The following SVIP variants were observed in gnomAD, a reference collection of about 807,000 sequenced individuals.
SVIP encodes small VCP interacting protein, also known as small VCP/p97-interacting protein.
SVIP carries 14 observed loss-of-function variants against 12.9 expected under a neutral mutation model. The ratio of observed to expected loss-of-function variants is 1.08; its 90% CI spans 0.72 to 1.70. The LOEUF is 1.70. Among genes scored for constraint, SVIP ranks in the 40% most tolerant of loss-of-function variants. The probability of loss-of-function intolerance (pLI) is 0.00; values close to 1 mark genes in which losing one functional copy is unlikely to be tolerated. For missense variants in SVIP, 93 were observed against 90.8 expected (o/e 1.02, Z -0.10); for synonymous variants, 35 against 33.3 (o/e 1.05, Z -0.17).
intron 3 of SVIP, 59 bp from the exon 4 acceptor site, chr11:22,823,192 C>G: frequency 1.6e-6 from 2 of 1,264,972 alleles, no homozygotes. Context: ...TATAACAGTA[C>G]TTCAGTGAAC....
rs1173802275 is a variant in SVIP at position 22,820,651 on chromosome 11, A to G, written c.*2468T>C. On this transcript the variant is annotated 3_prime_UTR_variant, in exon 4 of 4. Transcript: ENST00000354193. The stretch of plus-strand genomic sequence containing the variant: ...TATATTTATATCCCTAAAAGGCAAT[A>G]CAGAATTTATAACCAAACCATGTGT... 6.6e-6 allele frequency: 1 copy of G among 152,206 alleles called. No individual in the cohort carries two copies. Among genetic ancestry groups the G allele is most frequent in the South Asian group, 2.1e-4 (1 of 4,830 alleles). 9.4% of individuals were successfully genotyped at this position (152,206 alleles called of 1,614,324 possible). A position where few individuals can be genotyped will look rare whatever the true frequency, so the allele number is the denominator to read the frequency against.
At chr11:22,829,021 A>G (rs745383121) in intron 1 of SVIP, among the ~76,000 whole-genome samples, 4 of 152,212 alleles carry the variant, frequency 2.6e-5, no homozygotes, top group Non-Finnish European at 4.4e-5. Context: ...TTGTAGAACT[A>G]GATCCCTAAT....
chr11:22,826,951 T>C (rs1857730400), intron 3 of SVIP, among the ~76,000 whole-genome samples: 2 of 152,158 alleles, frequency 1.3e-5, no homozygotes, highest in South Asian at 2.1e-4. Flanking sequence ...TTAAGATTAG[T>C]AGTAAGCATA....
chr11:22,828,839 C>G (rs1857829217), intron 1 of SVIP, among the ~76,000 whole-genome samples: 1 of 152,134 alleles, frequency 6.6e-6, no homozygotes, highest in Non-Finnish European at 1.5e-5. Flanking sequence ...AAAAATACTT[C>G]ATTTTCTTCA....
Position 22,829,782 on chromosome 11 carries a change from G to C in SVIP, c.-34C>G, listed in dbSNP as rs771039468. The C allele has an allele frequency of 2.5e-6, 4 of 1,581,846 alleles. No individual in the cohort carries two copies. Among genetic ancestry groups the C allele is most frequent in the Non-Finnish European group, 3.4e-6 (4 of 1,164,792 alleles). ...CAGCTTGAGAACCCTGACCGGGTCCGGCCCAGGCCAGGCGGCGCTAACTGC... is the reference window on the plus strand; with the variant it reads ...CAGCTTGAGAACCCTGACCGGGTCCCGCCCAGGCCAGGCGGCGCTAACTGC... On this transcript the variant is annotated 5_prime_UTR_variant, in exon 1 of 4. Coordinates refer to ENST00000354193, the MANE Select transcript of SVIP (RefSeq NM_148893.3).
In SVIP at chr11:22,829,721, C is replaced by G; in HGVS notation, c.28G>C (p.Glu10Gln). MGLCFPCPG[E>Q]SAPPTPDLEE... ...AGGTCCGGCGTGGGAGGCGCGGACT[C>G]CCCGGGACAAGGAAAACACAGCCCC... Residue 10 changes from glutamate (E) to glutamine (Q), a missense_variant, in exon 1 of 4, where the codon GAG becomes CAG. Glu to Gln is a conservative substitution (Grantham distance 29, BLOSUM62 2). Transcript: ENST00000354193. 1 of 1,606,658 alleles carries G rather than the reference C, an allele frequency of 6.2e-7. No homozygotes were observed. Among genetic ancestry groups the G allele is most frequent in the Non-Finnish European group, 8.5e-7 (1 of 1,177,334 alleles).
In SVIP at chr11:22,819,396, T is replaced by C. The variant is rs1051731911; in HGVS notation, c.*3723A>G. 6.6e-6 allele frequency: 1 copy of C among 152,154 alleles called. No individual in the cohort carries two copies. Among genetic ancestry groups the C allele is most frequent in the African/African-American group, 2.4e-5 (1 of 41,442 alleles). The allele number at this position is 152,154 out of a possible 1,614,324, so 9.4% of individuals were successfully genotyped here. A position where few individuals can be genotyped will look rare whatever the true frequency, so the allele number is the denominator to read the frequency against. ...AGTTCCACTTGAGATAAGTTAGAGG[T>C]ACTTGCAAAGAATGGATCAAACCTG... is the stretch of plus-strand genomic sequence containing the variant. On this transcript the variant is annotated 3_prime_UTR_variant, in exon 4 of 4. Coordinates refer to ENST00000354193, the MANE Select transcript of SVIP (RefSeq NM_148893.3).
At chr11:22,824,491 T>C (rs1590170595) in intron 3 of SVIP, among the ~76,000 whole-genome samples, 3 of 131,580 alleles carry the variant, frequency 2.3e-5, no homozygotes, top group South Asian at 5.0e-4. Context: ...TATATGTATA[T>C]ATATACGTAT....
chr11:22,827,425 G>T, intron 2 of SVIP, 105 bp from the exon 3 acceptor site: 1 of 907,410 alleles, frequency 1.1e-6, no homozygotes, highest in Non-Finnish European at 1.7e-6. Flanking sequence ...TTTGGGGGTA[G>T]GGAGTTGGTT....
Position 22,827,841 on chromosome 11 carries a change from C to A in SVIP, c.88G>T (p.Glu30Ter). 1 of 1,582,744 alleles carries A rather than the reference C, an allele frequency of 6.3e-7. No homozygotes were observed. The highest frequency in any genetic ancestry group is 8.6e-7 in the Non-Finnish European group (1 of 1,166,144). ...EKRAKLAEAA[E>*]RRQKEAASRG... ...AATCTTACCTCTTTTTGTCTTCTCT[C>A]TGCAGCCTCTGCAAGCTTTGCTCTT... Residue 30 changes from glutamate to a stop codon, truncating the protein, a stop_gained, in exon 2 of 4, where the codon GAG (glutamate) becomes TAG (stop). Transcript: ENST00000354193. LOFTEE classifies it high-confidence loss of function.
At chr11:22,824,570 T>C (rs1469415899) in intron 3 of SVIP, among the ~76,000 whole-genome samples, 1 of 151,542 alleles carries the variant, frequency 6.6e-6, no homozygotes, top group Non-Finnish European at 1.5e-5. Context: ...TTAATCCAAG[T>C]AAACTTGCTT....
rs757939567 is a variant in SVIP, at chr11:22,829,706, T to C, written c.43A>G (p.Thr15Ala). 9 of 1,604,944 alleles carry C rather than the reference T, an allele frequency of 5.6e-6. No individual in the cohort carries two copies. Among genetic ancestry groups the C allele is most frequent in the Non-Finnish European group, 7.6e-6 (9 of 1,176,726 alleles). ...CCTGCTCTACTCACCAGGTCCGGCG[T>C]GGGAGGCGCGGACTCCCCGGGACAA... Reference protein sequence around the residue: ...FPCPGESAPPTPDLEEKRAKL... With the variant: ...FPCPGESAPPAPDLEEKRAKL... The change falls in exon 1 of 4, where the codon ACG (threonine) becomes GCG (alanine). Residue 15 changes from threonine (T) to alanine (A), a missense_variant. Coordinates refer to ENST00000354193, the MANE Select transcript of SVIP (RefSeq NM_148893.3).
chr11:22,824,420 T>A (rs1051536790), intron 3 of SVIP, among the ~76,000 whole-genome samples: 1 of 49,870 alleles, frequency 2.0e-5, no homozygotes, highest in African/African-American at 4.7e-5. Flanking sequence ...TTATTGGGTG[T>A]TTTATATATA....
In SVIP at chr11:22,822,996, G is replaced by T; in HGVS notation, c.*123C>A. On this transcript the variant is annotated 3_prime_UTR_variant, in exon 4 of 4. Transcript: ENST00000354193. Reference sequence around the variant, plus strand: ...CGTTTTTTTAGCATTGCACTTAAGGGCAATAATATTACAAAGTCTGAATCT... The same window carrying T: ...CGTTTTTTTAGCATTGCACTTAAGGTCAATAATATTACAAAGTCTGAATCT... The T allele has an allele frequency of 2.5e-6, 2 of 797,260 alleles. No individual in the cohort carries two copies. Among genetic ancestry groups the T allele is most frequent in the Non-Finnish European group, 3.7e-6 (2 of 533,680 alleles). 49.4% of individuals were successfully genotyped at this position (797,260 alleles called of 1,614,324 possible).
At chr11:22,824,816 T>A (rs1413814370) in intron 3 of SVIP, among the ~76,000 whole-genome samples, 1 of 151,392 alleles carries the variant, frequency 6.6e-6, no homozygotes, top group South Asian at 2.1e-4. Context: ...GGCTAAACCC[T>A]ACTCTCAGAG....
chr11:22,827,705 A>G, intron 2 of SVIP, 119 bp downstream of exon 2: 1 of 608,522 alleles, frequency 1.6e-6, no homozygotes, highest in Middle Eastern at 2.8e-4. Context: ...TTACATTTAA[A>G]TGTAAATTTT....
chr11:22,825,000 T>G (rs1857643378), intron 3 of SVIP, among the ~76,000 whole-genome samples: 1 of 152,098 alleles, frequency 6.6e-6, no homozygotes, highest in South Asian at 2.1e-4. Flanking sequence ...CACATTGACT[T>G]CTTCAGGTAA....
rs1857500317 is a variant in SVIP at position 22,821,881 on chromosome 11, G to C, written c.*1238C>G. 6.6e-6 allele frequency: 1 copy of C among 152,278 alleles called. No individual in the cohort carries two copies. Among genetic ancestry groups the C allele is most frequent in the Admixed American group, 6.5e-5 (1 of 15,292 alleles). 9.4% of individuals were successfully genotyped at this position (152,278 alleles called of 1,614,324 possible). A position where few individuals can be genotyped will look rare whatever the true frequency, so the allele number is the denominator to read the frequency against. On this transcript the variant is annotated 3_prime_UTR_variant, in exon 4 of 4. Transcript: ENST00000354193. The stretch of plus-strand genomic sequence containing the variant: ...AAATTAACATGTACAATACACTGCA[G>C]TATAACATAATTTTTGTTGGAGGGG...
intron 1 of SVIP, among the ~76,000 whole-genome samples, chr11:22,828,462 G>A (rs1483260088): frequency 6.6e-6 from 1 of 152,126 alleles, no homozygotes; most frequent in African/African-American, 2.4e-5. Context: ...TCCAATTGCG[G>A]GCGCACAGAC....
Sources: gnomAD v4.1 joint callset for allele counts (sites outside exome capture counted in the v4.1 genomes callset) on GRCh38, gnomAD v4.1.1 for gene constraint, MANE v1.5 for transcripts, NCBI Gene and HGNC (gene_info 2026-07-23, HGNC 2026-07-21) for gene names.